HNRNPUL1: variants seen among roughly 807,000 people sequenced by gnomAD.
HNRNPUL1 encodes heterogeneous nuclear ribonucleoprotein U like 1, also known as heterogeneous nuclear ribonucleoprotein U-like protein 1.
In HNRNPUL1, 14 loss-of-function variants were observed where a neutral mutation model predicts 108.5. The observed-to-expected ratio is 0.13, with a 90% CI of 0.09 to 0.20. HNRNPUL1 has a LOEUF of 0.20. HNRNPUL1 is among the 10% of genes least tolerant of loss of function. The pLI is 1.00. For synonymous variants in HNRNPUL1, 422 were observed against 445.2 expected (o/e 0.95, Z 0.66); for missense variants, 804 against 1,168.3 (o/e 0.69, Z 4.55).
chr19:41,287,920 G>A (rs1048546017), intron 7 of HNRNPUL1, among the ~76,000 whole-genome samples: 1 of 152,108 alleles, frequency 6.6e-6, no homozygotes, highest in Admixed American at 6.5e-5. Context: ...TCTACAAATT[G>A]TTCGGTTTTA....
chr19:41,277,239 T>G (rs1192818884), intron 5 of HNRNPUL1, among the ~76,000 whole-genome samples: 1 of 152,248 alleles, frequency 6.6e-6, no homozygotes, highest in Non-Finnish European at 1.5e-5. Context: ...TATCCAAACT[T>G]ACTGATGATA....
chr19:41,294,291 G>T lies in HNRNPUL1; in HGVS notation c.1267-47G>T. 6.2e-7 allele frequency: 1 copy of T among 1,607,314 alleles called. No homozygotes were observed. Among genetic ancestry groups the T allele is most frequent in the South Asian group, 1.1e-5 (1 of 90,258 alleles). On this transcript the variant is annotated intron_variant, in intron 8 of 14. Transcript: ENST00000392006. The surrounding 1 kb of genome is among the most constrained non-coding windows in gnomAD (Gnocchi z 4.3). ...CTCACAGTCACCACCGAGCCAAGTG[G>T]TGCCATACCACCATGCCGCAACACC...
In HNRNPUL1 at chr19:41,264,403, C is replaced by T; in HGVS notation, c.-101C>T. The T allele has an allele frequency of 4.8e-6, 5 of 1,046,490 alleles. No individual in the cohort carries two copies. Among genetic ancestry groups the T allele is most frequent in the Middle Eastern group, 3.4e-4 (1 of 2,916 alleles). 64.8% of individuals were successfully genotyped at this position (1,046,490 alleles called of 1,614,324 possible). On this transcript the variant is annotated 5_prime_UTR_variant, in exon 1 of 15. Coordinates refer to ENST00000392006, the MANE Select transcript of HNRNPUL1 (RefSeq NM_007040.6). ...AGCCGCTGCCGCCATTGGAGTGGGCCCCCCCCCTTTCCCCCTTCGCCTCCT... is the reference window on the plus strand; with the variant it reads ...AGCCGCTGCCGCCATTGGAGTGGGCTCCCCCCCTTTCCCCCTTCGCCTCCT...
At chr19:41,263,636 G>A (rs1168743369), upstream of HNRNPUL1, among the ~76,000 whole-genome samples, 2 of 152,152 alleles carry the variant, frequency 1.3e-5, no homozygotes, top group Admixed American at 1.3e-4. Context: ...AAGGCAACTG[G>A]GTTCCTTCCA....
chr19:41,292,344 G>A lies in HNRNPUL1; in HGVS notation c.1099G>A (p.Ala367Thr). The A allele has an allele frequency of 2.5e-6, 4 of 1,614,240 alleles. No individual in the cohort carries two copies. The highest frequency in any genetic ancestry group is 3.4e-6 in the Non-Finnish European group (4 of 1,180,054). The change falls in exon 8 of 15, where the codon GCC becomes ACC. Residue 367 changes from alanine to threonine, a missense_variant. Physicochemically the swap from Ala to Thr is moderately conservative, Grantham distance 58. Coordinates refer to ENST00000392006, the MANE Select transcript of HNRNPUL1 (RefSeq NM_007040.6). This position sits in a 1 kb window ranked among gnomAD's most constrained non-coding sequence, Gnocchi z 4.1. ...RIQKEALGGQ[A>T]LYPHVLVKNC... ...CCAGAAGGAAGCCTTGGGGGGTCAG[G>A]CCCTCTATCCTCATGTCCTGGTGAA...
intron 7 of HNRNPUL1, among the ~76,000 whole-genome samples, chr19:41,283,336 C>T (rs770634663): frequency 2.6e-5 from 4 of 152,158 alleles, no homozygotes; most frequent in Middle Eastern, 3.4e-3. Context: ...GCTGGAGTCT[C>T]GTGGCGCGAT....
At chr19:41,265,752 G>A (rs547076865) in intron 1 of HNRNPUL1, among the ~76,000 whole-genome samples, 2 of 152,148 alleles carry the variant, frequency 1.3e-5, no homozygotes, top group Non-Finnish European at 2.9e-5. Context: ...GTGGGATGGG[G>A]GCAGATGAGT....
At chr19:41,283,645 G>A (rs1037020490) in intron 7 of HNRNPUL1, among the ~76,000 whole-genome samples, 2 of 152,142 alleles carry the variant, frequency 1.3e-5, no homozygotes, top group Non-Finnish European at 2.9e-5. Context: ...TAGTAGAGTT[G>A]GGGTTTCGCC....
intron 7 of HNRNPUL1, among the ~76,000 whole-genome samples, chr19:41,290,960 C>T (rs954175905): frequency 3.9e-5 from 6 of 152,144 alleles, no homozygotes; most frequent in African/African-American, 1.2e-4. Context: ...GCAGGAGAAT[C>T]GCTTGAACCC....
chr19:41,265,098 C>G (rs2034737040), intron 1 of HNRNPUL1: 3 of 1,415,030 alleles, frequency 2.1e-6, no homozygotes, highest in Non-Finnish European at 2.8e-6. Flanking sequence ...TTTCTGGAGC[C>G]GAAGAGAGTC....
intron 7 of HNRNPUL1, among the ~76,000 whole-genome samples, chr19:41,287,166 C>A (rs1173293883): frequency 1.3e-5 from 2 of 151,756 alleles, no homozygotes; most frequent in Non-Finnish European, 2.9e-5. Flanking sequence ...CAGGTGCACA[C>A]CACGACATCT....
In HNRNPUL1 at chr19:41,292,319, C is replaced by G; in HGVS notation, c.1074C>G (p.Ile358Met). The stretch of plus-strand genomic sequence containing the variant: ...AGTGGATGGGCATTGCTTTCCGAAT[C>G]CAGAAGGAAGCCTTGGGGGGTCAGG... ...NGKWMGIAFR[I>M]QKEALGGQAL... Residue 358 changes from isoleucine to methionine, a missense_variant, in exon 8 of 15, where the codon ATC becomes ATG. Physicochemically the swap from Ile to Met is conservative, Grantham distance 10 (BLOSUM62 1). Around this residue, in one of 4 missense-constraint regions of HNRNPUL1, gnomAD observed 174 missense variants for 296.6 expected, o/e 0.59. Coordinates refer to ENST00000392006, the MANE Select transcript of HNRNPUL1 (RefSeq NM_007040.6). The surrounding 1 kb of genome is among the most constrained non-coding windows in gnomAD (Gnocchi z 4.1). 1 of 1,614,172 alleles carries G rather than the reference C, an allele frequency of 6.2e-7. No individual in the cohort carries two copies. The highest frequency in any genetic ancestry group is 8.5e-7 in the Non-Finnish European group (1 of 1,180,018).
intron 7 of HNRNPUL1, among the ~76,000 whole-genome samples, chr19:41,281,926 C>G (rs1483142534): frequency 2.0e-5 from 3 of 152,180 alleles, no homozygotes; most frequent in Non-Finnish European, 4.4e-5. Flanking sequence ...AAATGAGAAT[C>G]TTTGCACCTA....
At chr19:41,283,679 C>T (rs1011040284) in intron 7 of HNRNPUL1, among the ~76,000 whole-genome samples, 11 of 152,192 alleles carry the variant, frequency 7.2e-5, no homozygotes, top group African/African-American at 2.7e-4. Flanking sequence ...TGGTCTTGAA[C>T]TCCTGACCTT....
Position 41,306,582 on chromosome 19 carries a change from G to A in HNRNPUL1, c.*17G>A. 1 of 1,445,920 alleles carries A rather than the reference G, an allele frequency of 6.9e-7. No individual in the cohort carries two copies. Among genetic ancestry groups the A allele is most frequent in the Non-Finnish European group, 9.2e-7 (1 of 1,084,882 alleles). 89.6% of individuals were successfully genotyped at this position (1,445,920 alleles called of 1,614,324 possible). On this transcript the variant is annotated 3_prime_UTR_variant, in exon 15 of 15. Coordinates refer to ENST00000392006, the MANE Select transcript of HNRNPUL1 (RefSeq NM_007040.6). Reference sequence around the variant, plus strand: ...ACACAGTAGCCAGTGTGACCCAGAGGCTCCCGGAGGCCCCTGCCGGCTTCC... The same window carrying A: ...ACACAGTAGCCAGTGTGACCCAGAGACTCCCGGAGGCCCCTGCCGGCTTCC...
Position 41,264,512 on chromosome 19 carries a change from G to T in HNRNPUL1, c.9G>T (p.Val3=). The T allele has an allele frequency of 1.4e-6, 2 of 1,430,048 alleles. No homozygotes were observed. Among genetic ancestry groups the T allele is most frequent in the African/African-American group, 1.5e-5 (1 of 67,272 alleles). The allele number at this position is 1,430,048 out of a possible 1,614,324, so 88.6% of individuals were successfully genotyped here. Residue 3 remains valine (V), a synonymous_variant, in exon 1 of 15, where the codon GTG becomes GTT. Coordinates refer to ENST00000392006, the MANE Select transcript of HNRNPUL1 (RefSeq NM_007040.6). MD[V]RRLKVNELRE... is the part of the protein sequence containing the mutation. ...CCCCGGGGGCCCGGGCCATGGATGT[G>T]CGCCGTCTGAAGGTGAACGAACTTC...
chr19:41,266,698 C>T (rs1390225247), intron 1 of HNRNPUL1, among the ~76,000 whole-genome samples: 3 of 152,106 alleles, frequency 2.0e-5, no homozygotes, highest in African/African-American at 4.8e-5. Context: ...GAAAAGAGGG[C>T]ACCCTGGGAC....
intron 12 of HNRNPUL1, 73 bp downstream of exon 12, chr19:41,303,022 A>G (rs562012045): frequency 8.0e-5 from 116 of 1,455,442 alleles, no homozygotes; most frequent in Admixed American, 2.6e-4. Context: ...TGCTTATTCA[A>G]TCAGCAACTG....
intron 1 of HNRNPUL1, 193 bp from the exon 2 acceptor site, chr19:41,268,030 C>A: frequency 2.1e-6 from 1 of 480,618 alleles, no homozygotes; most frequent in South Asian, 3.5e-5. Flanking sequence ...AAACTGAAGG[C>A]TTCAGTGGGG....
Sources: allele counts gnomAD v4.1 joint callset (sites outside exome capture counted in the v4.1 genomes callset), GRCh38; gene constraint gnomAD v4.1.1; regional missense constraint gnomAD v4.1.1; non-coding constraint Gnocchi (gnomAD v3.1); transcripts MANE v1.5; gene names NCBI Gene and HGNC (gene_info 2026-07-23, HGNC 2026-07-21).